SATB2: variants seen among roughly 807,000 people sequenced by gnomAD.
SATB2 encodes the protein DNA-binding protein SATB2.
In SATB2, 1 loss-of-function variant was observed where a neutral mutation model predicts 73.4. That is an observed-to-expected ratio of 0.01 (90% CI 0.00 to 0.06). The LOEUF is 0.06. SATB2 is among the 10% of genes least tolerant of loss of function. SATB2 has a pLI of 1.00. For missense variants in SATB2, 459 were observed against 945.8 expected (o/e 0.49, Z 6.75); for synonymous variants, 397 against 367.0 (o/e 1.08, Z -0.93).
chr2:199,302,922 T>A (rs1412294997), intron 10 of SATB2, among the ~76,000 whole-genome samples: 1 of 152,098 alleles, frequency 6.6e-6, no homozygotes, highest in Non-Finnish European at 1.5e-5. Context: ...AAAGTAAAAA[T>A]TTCAGTCACA....
rs1692243241 is a variant in SATB2, at chr2:199,455,424, G to A, written c.169+445C>T. 1.3e-5 allele frequency among the ~76,000 whole-genome samples: 2 copies of A among 152,160 alleles called. No individual in the cohort carries two copies. Among genetic ancestry groups the A allele is most frequent in the East Asian group, 3.8e-4 (2 of 5,198 alleles). On this transcript the variant is annotated intron_variant, in intron 2 of 10. Coordinates refer to ENST00000417098, the MANE Select transcript of SATB2 (RefSeq NM_001172509.2). The surrounding 1 kb of genome is among the most constrained non-coding windows in gnomAD (Gnocchi z 4.1). The stretch of plus-strand genomic sequence containing the variant: ...TGTCATTCATCTGTCTTGAAGCACT[G>A]TCCTCACTACAAAGTAACATCAACT...
At position 199,323,931 on chromosome 2, in the gene SATB2, G is replaced by T; in HGVS notation, c.1414C>A (p.Leu472Ile). 2 of 1,613,394 alleles carry T rather than the reference G, an allele frequency of 1.2e-6. No individual in the cohort carries two copies. Among genetic ancestry groups the T allele is most frequent in the Non-Finnish European group, 1.7e-6 (2 of 1,179,524 alleles). ...TTGGCGCCGTCCACCTTAATAGGGA[G>T]GTCTGTTGTCGGTGTCGAGGTTTTG... is the stretch of plus-strand genomic sequence containing the variant. ...QAKTSTPTTD[L>I]PIKVDGANIN... The change falls in exon 9 of 11, where the codon CTC (leucine) becomes ATC (isoleucine). Residue 472 changes from leucine (L) to isoleucine (I), a missense_variant. Leu to Ile is a conservative substitution (Grantham distance 5). Transcript: ENST00000417098.
At position 199,269,700 on chromosome 2, in the gene SATB2, A is replaced by AAC. The variant is rs1255964436; in HGVS notation, c.*2510_*2511insGT. The stretch of plus-strand genomic sequence containing the variant: ...ACAATTTGTTTTTTTCATTTCACAA[A>AAC]AAAAAAAAAAGGCGGGAAATTGTGC... On this transcript the variant is annotated 3_prime_UTR_variant, in exon 11 of 11. Transcript: ENST00000417098. 1.3e-5 allele frequency: 2 copies of AAC among 151,972 alleles called. No individual in the cohort carries two copies. Among genetic ancestry groups the AAC allele is most frequent in the Non-Finnish European group, 2.9e-5 (2 of 67,860 alleles). 9.4% of individuals were successfully genotyped at this position (151,972 alleles called of 1,614,324 possible).
At position 199,432,781 on chromosome 2, in the gene SATB2, A is replaced by G. The variant is rs909883627; in HGVS notation, c.346+557T>C. ...CCAGTATTGTACAATACGCACTGAA[A>G]TAATGATGCAATTTTAATATTTAAT... On this transcript the variant is annotated intron_variant, in intron 3 of 10. Coordinates refer to ENST00000417098, the MANE Select transcript of SATB2 (RefSeq NM_001172509.2). Among the ~76,000 whole-genome samples the G allele has an allele frequency of 2.6e-5, 4 of 152,250 alleles. 1 individual carries two copies. Among genetic ancestry groups the G allele is most frequent in the African/African-American group, 7.2e-5 (3 of 41,462 alleles).
At chr2:199,387,333 C>T (rs1185374282) in intron 3 of SATB2, among the ~76,000 whole-genome samples, 1 of 152,176 alleles carries the variant, frequency 6.6e-6, no homozygotes, top group Non-Finnish European at 1.5e-5. Flanking sequence ...AGAGCACGTC[C>T]ACAGTCACAC....
chr2:199,432,570 A>G (rs894629219), intron 3 of SATB2, among the ~76,000 whole-genome samples: 1 of 152,240 alleles, frequency 6.6e-6, no homozygotes, highest in African/African-American at 2.4e-5. Flanking sequence ...CCATAATCAT[A>G]AACAATACAA....
At chr2:199,410,107 T>C (rs1001939556) in intron 3 of SATB2, among the ~76,000 whole-genome samples, 2 of 152,184 alleles carry the variant, frequency 1.3e-5, no homozygotes, top group Admixed American at 6.5e-5. Flanking sequence ...GTTAGTTTAG[T>C]AGTTGAGGCT....
rs979695165 is a variant in SATB2, at chr2:199,433,440, C to T, written c.244G>A (p.Ala82Thr). Residue 82 changes from alanine (A) to threonine (T), a missense_variant, in exon 3 of 11, where the codon GCC (alanine) becomes ACC (threonine). Around this residue, in one of 13 missense-constraint regions of SATB2, gnomAD observed 56 missense variants for 183.7 expected, o/e 0.30. Coordinates refer to ENST00000417098, the MANE Select transcript of SATB2 (RefSeq NM_001172509.2). ...SLEYDNREEH[A>T]EFVLVRKDVL... Reference sequence around the variant, plus strand: ...TCTTTCCGCACCAGGACAAACTCGGCGTGTTCTTCTCTGTTGTCATATTCA... The same window carrying T: ...TCTTTCCGCACCAGGACAAACTCGGTGTGTTCTTCTCTGTTGTCATATTCA... 3 of 1,614,136 alleles carry T rather than the reference C, an allele frequency of 1.9e-6. No homozygotes were observed. The highest frequency in any genetic ancestry group is 2.5e-6 in the Non-Finnish European group (3 of 1,180,002).
chr2:199,469,546 T>A (rs981915358), upstream of SATB2: 14 of 55,528 alleles, frequency 2.5e-4, no homozygotes, highest in African/African-American at 8.4e-4. Context: ...GTGGTGGGGG[T>A]GGGGGTGGGC....
intron 2 of SATB2, among the ~76,000 whole-genome samples, chr2:199,443,083 T>A (rs1691868220): frequency 6.8e-6 from 1 of 147,602 alleles, no homozygotes. Flanking sequence ...TAAGCAGAGA[T>A]CGATTCACCT....
chr2:199,439,901 C>T (rs1691761056), intron 2 of SATB2, among the ~76,000 whole-genome samples: 1 of 152,132 alleles, frequency 6.6e-6, no homozygotes, highest in South Asian at 2.1e-4. Context: ...GTCAGGAGTT[C>T]GAGACCAGCC....
At chr2:199,347,223 A>T (rs961315672) in intron 7 of SATB2, 3 of 152,156 alleles carry the variant, frequency 2.0e-5, no homozygotes, top group African/African-American at 7.2e-5. Flanking sequence ...GTATTTTCCA[A>T]ATTATTGAGG....
At chr2:199,362,141 C>T (rs1689155952) in intron 6 of SATB2, among the ~76,000 whole-genome samples, 1 of 152,108 alleles carries the variant, frequency 6.6e-6, no homozygotes, top group Admixed American at 6.6e-5. Flanking sequence ...ATTCTGAGCA[C>T]CTGTTATATT....
In SATB2 at chr2:199,368,724, T is replaced by C. The variant is rs763592956; in HGVS notation, c.598-17A>G. Reference sequence around the variant, plus strand: ...AATCATACTCTGAAAAAAAAAATTATAGTTATTTTTTCAAAATATGACTAC... The same window carrying C: ...AATCATACTCTGAAAAAAAAAATTACAGTTATTTTTTCAAAATATGACTAC... On this transcript the variant is annotated splice_polypyrimidine_tract_variant and intron_variant, in intron 5 of 10. Transcript: ENST00000417098. 10 of 1,459,210 alleles carry C rather than the reference T, an allele frequency of 6.9e-6. No homozygotes were observed. The highest frequency in any genetic ancestry group is 2.3e-5 in the South Asian group (2 of 87,188). The allele number at this position is 1,459,210 out of a possible 1,614,324, so 90.4% of individuals were successfully genotyped here.
chr2:199,323,752 G>A, intron 9 of SATB2, 51 bp downstream of exon 9: 1 of 1,541,358 alleles, frequency 6.5e-7, no homozygotes, highest in Non-Finnish European at 9.0e-7. Context: ...GTGGAGGAAG[G>A]AGAAGGATCT....
intron 2 of SATB2, 63 bp from the exon 3 acceptor site, chr2:199,433,577 T>C (rs1691567760): frequency 2.7e-6 from 4 of 1,483,398 alleles, no homozygotes; most frequent in Admixed American, 1.7e-5. Context: ...GTCACCACGA[T>C]GAGAAGGGAA....
chr2:199,466,537 G>C (rs1469267616), upstream of SATB2, among the ~76,000 whole-genome samples: 1 of 152,174 alleles, frequency 6.6e-6, no homozygotes, highest in Non-Finnish European at 1.5e-5. Context: ...ATCAGTGGCA[G>C]GGAAAGATGG....
chr2:199,371,702 G>A (rs1348812), intron 5 of SATB2, among the ~76,000 whole-genome samples: 23,927 of 152,020 alleles, frequency 0.16, 2,303 homozygotes, highest in East Asian at 0.47. Context: ...TAAAGCAACC[G>A]CACAGTTGGA....
At chr2:199,377,908 A>G (rs1689651490) in intron 5 of SATB2, among the ~76,000 whole-genome samples, 1 of 152,192 alleles carries the variant, frequency 6.6e-6, no homozygotes, top group Non-Finnish European at 1.5e-5. Context: ...AGGTCAGACA[A>G]CTACGTGAGC....
Sources: gnomAD v4.1 joint callset for allele counts (sites outside exome capture counted in the v4.1 genomes callset) on GRCh38, gnomAD v4.1.1 for gene constraint, gnomAD v4.1.1 regional missense constraint, Gnocchi (gnomAD v3.1) non-coding constraint, MANE v1.5 for transcripts, NCBI Gene and HGNC (gene_info 2026-07-23, HGNC 2026-07-21) for gene names.